The following CTSS variants were observed in gnomAD, a reference collection of about 807,000 sequenced individuals.
The protein encoded by CTSS is cathepsin S.
Under a neutral mutation model 39.9 loss-of-function variants are expected in CTSS, and 15 were observed. The observed-to-expected ratio is 0.38, with a 90% CI of 0.25 to 0.58. The LOEUF (loss-of-function observed/expected upper bound fraction) is 0.58. Ranked by LOEUF, CTSS falls within the 20% of genes least tolerant of loss-of-function variation. CTSS has a pLI of 0.70. For missense variants in CTSS, 250 were observed against 398.2 expected (o/e 0.63, Z 3.17); for synonymous variants, 126 against 138.2 (o/e 0.91, Z 0.62).
chr1:150,743,669 ATATTATATAT>A (rs1202979626), intron 7 of CTSS, among the ~76,000 whole-genome samples: 4 of 88,188 alleles, frequency 4.5e-5, no homozygotes, highest in Middle Eastern at 7.2e-3. Context: ...TATACATAAT[ATATTATATAT>A]TATATGTATA....
chr1:150,764,719 C>G lies in CTSS; in HGVS notation c.45G>C (p.Val15=). ...VCVLLVCSSA[V]AQLHKDPTLD... is the part of the protein sequence containing the mutation. ...GGGTAGGATCTTTATGCAACTGTGC[C>G]ACTGCAGAGGAGCACACCAAGAGCA... The change falls in exon 2 of 8, where the codon GTG becomes GTC. Residue 15 remains valine (V), a synonymous_variant. Coordinates refer to ENST00000368985, the MANE Select transcript of CTSS (RefSeq NM_004079.5). The G allele has an allele frequency of 6.2e-7, 1 of 1,614,016 alleles. No homozygotes were observed. Among genetic ancestry groups the G allele is most frequent in the Non-Finnish European group, 8.5e-7 (1 of 1,179,950 alleles).
At chr1:150,748,108 G>A (rs776859594) in intron 6 of CTSS, 63 of 353,508 alleles carry the variant, frequency 1.8e-4, no homozygotes, top group Admixed American at 3.7e-4. Context: ...TGGCCAACAT[G>A]GTGACACCCC....
chr1:150,743,063 T>C (rs979285341), intron 7 of CTSS, among the ~76,000 whole-genome samples: 1 of 152,140 alleles, frequency 6.6e-6, no homozygotes, highest in Non-Finnish European at 1.5e-5. Flanking sequence ...ATAATGGCAA[T>C]AGTTGAAACT....
chr1:150,756,214 T>C (rs1653123433), intron 3 of CTSS, among the ~76,000 whole-genome samples: 1 of 152,160 alleles, frequency 6.6e-6, no homozygotes, highest in Non-Finnish European at 1.5e-5. Flanking sequence ...CTCCACCTCT[T>C]GTCCCACTGG....
intron 3 of CTSS, among the ~76,000 whole-genome samples, chr1:150,756,905 A>G (rs375438349): frequency 2.0e-5 from 3 of 152,044 alleles, no homozygotes; most frequent in African/African-American, 4.8e-5. Context: ...TAGTAGAGAC[A>G]GGATTTCTCT....
chr1:150,749,455 C>G (rs1391702753), intron 6 of CTSS, among the ~76,000 whole-genome samples: 1 of 152,128 alleles, frequency 6.6e-6, no homozygotes, highest in Non-Finnish European at 1.5e-5. Flanking sequence ...AAGACCCTAA[C>G]TCTCTTCTAT....
intron 4 of CTSS, 103 bp downstream of exon 4, chr1:150,754,898 A>G (rs1653085185): frequency 1.7e-6 from 2 of 1,208,980 alleles, no homozygotes; most frequent in Non-Finnish European, 2.3e-6. Context: ...ATAACTAGAA[A>G]GTAACACGTG....
Position 150,755,290 on chromosome 1 carries a change from C to T in CTSS, c.250-140G>A, listed in dbSNP as rs776096255. The T allele has an allele frequency of 8.9e-6, 8 of 902,546 alleles. No individual in the cohort carries two copies. In the South Asian group the frequency reaches 1.1e-4, roughly 12 times the overall value. The allele number at this position is 902,546 out of a possible 1,614,324, so 55.9% of individuals were successfully genotyped here. A position where few individuals can be genotyped will look rare whatever the true frequency, so the allele number is the denominator to read the frequency against. ...CTAGAGCGTATTGGCTCCTACATAC[C>T]TAGGCTGTATGGTAGGGCCCATTGC... On this transcript the variant is annotated intron_variant, in intron 3 of 7. Transcript: ENST00000368985.
chr1:150,744,639 G>A (rs1267565387), intron 7 of CTSS, among the ~76,000 whole-genome samples: 1 of 135,648 alleles, frequency 7.4e-6, no homozygotes, highest in East Asian at 2.1e-4. Flanking sequence ...TATAGATTAT[G>A]TATGCATACA....
chr1:150,732,511 AT>A lies in CTSS; in HGVS notation c.*534del, dbSNP rs1222255586. On this transcript the variant is annotated 3_prime_UTR_variant, in exon 8 of 8. Coordinates refer to ENST00000368985, the MANE Select transcript of CTSS (RefSeq NM_004079.5). The stretch of plus-strand genomic sequence containing the variant: ...ATTACAGATTGTTTTAGGTTGAACA[AT>A]TTTTGTACAGTTATATCTATAGTAC... 1 of 152,258 alleles carries A rather than the reference AT, an allele frequency of 6.6e-6. No individual in the cohort carries two copies. Among genetic ancestry groups the A allele is most frequent in the African/African-American group, 2.4e-5 (1 of 41,464 alleles). The allele number at this position is 152,258 out of a possible 1,614,324, so 9.4% of individuals were successfully genotyped here.
chr1:150,757,810 A>G, intron 3 of CTSS, 48 bp downstream of exon 3: 1 of 1,586,674 alleles, frequency 6.3e-7, no homozygotes, highest in Non-Finnish European at 8.6e-7. Flanking sequence ...CAGAAAGGAA[A>G]TGATATTTAC....
intron 6 of CTSS, 126 bp downstream of exon 6, chr1:150,749,880 C>T (rs1652974418): frequency 2.7e-6 from 2 of 739,982 alleles, no homozygotes; most frequent in Non-Finnish European, 4.2e-6. Flanking sequence ...GTGTCAAACT[C>T]CCAGGCTCAA....
rs587689303 is a variant in CTSS at position 150,757,626 on chromosome 1, G to A, written c.249+232C>T. On this transcript the variant is annotated intron_variant, in intron 3 of 7. Transcript: ENST00000368985. ...TAAAAAAAAAACAATGGTAGTCTCT[G>A]AGTTTAAAATTTCCTCTAAAGAAGT... 5.7e-4 allele frequency among the ~76,000 whole-genome samples: 86 copies of A among 152,088 alleles called. 2 individuals carry two copies. The highest frequency in any genetic ancestry group is 2.4e-4 in the Non-Finnish European group (16 of 68,000).
intron 4 of CTSS, among the ~76,000 whole-genome samples, chr1:150,754,239 G>A (rs1241235074): frequency 6.8e-6 from 1 of 148,140 alleles, no homozygotes; most frequent in Non-Finnish European, 1.5e-5. Context: ...TCACCCTCCC[G>A]AGTAGCTGGG....
chr1:150,757,965 G>A lies in CTSS; in HGVS notation c.142C>T (p.Arg48Ter), dbSNP rs374721270. ...AGATTCTTTTCCCAGATGAGACGTC[G>A]TACTGCTTCTTCATTCTAAAACATA... Reference protein sequence around the residue: ...QYKEKNEEAVRRLIWEKNLKF... With the variant: ...QYKEKNEEAV The change falls in exon 3 of 8, where the codon CGA becomes TGA. Residue 48 changes from arginine (R) to a stop codon, truncating the protein, a stop_gained. Coordinates refer to ENST00000368985, the MANE Select transcript of CTSS (RefSeq NM_004079.5). LOFTEE classifies it high-confidence loss of function. 8 of 1,613,432 alleles carry A rather than the reference G, an allele frequency of 5.0e-6. No individual in the cohort carries two copies. The highest frequency in any genetic ancestry group is 1.7e-5 in the Admixed American group (1 of 59,968).
At chr1:150,757,728 C>A in intron 3 of CTSS, 130 bp downstream of exon 3, 1 of 794,626 alleles carries the variant, frequency 1.3e-6, no homozygotes, top group Non-Finnish European at 1.9e-6. Flanking sequence ...TCCTTCAATT[C>A]TACTGTTTTC....
chr1:150,739,581 C>T (rs1652703135), intron 7 of CTSS, among the ~76,000 whole-genome samples: 4 of 152,052 alleles, frequency 2.6e-5, no homozygotes, highest in Admixed American at 1.3e-4. Context: ...GTAGTCTCAG[C>T]TACTTGGAGG....
intron 2 of CTSS, among the ~76,000 whole-genome samples, 187 bp from the exon 3 acceptor site, chr1:150,758,167 A>G (rs1417481028): frequency 6.6e-6 from 1 of 151,868 alleles, no homozygotes; most frequent in Non-Finnish European, 1.5e-5. Flanking sequence ...CTCCTGCTTC[A>G]ACCTTCCGAG....
chr1:150,748,282 C>T (rs587633777), intron 6 of CTSS: 175 of 151,558 alleles, frequency 1.2e-3, no homozygotes, highest in Non-Finnish European at 1.9e-3. Context: ...GAGCAAGACT[C>T]CATCTTAAAA....
Sources: allele counts gnomAD v4.1 joint callset (sites outside exome capture counted in the v4.1 genomes callset), GRCh38; gene constraint gnomAD v4.1.1; transcripts MANE v1.5; gene names NCBI Gene and HGNC (gene_info 2026-07-23, HGNC 2026-07-21).